Variants in PRMT3 observed in about 807,000 individuals in gnomAD.
The protein encoded by PRMT3 is protein arginine N-methyltransferase 3.
In PRMT3, 62 loss-of-function variants were observed where a neutral mutation model predicts 71.9. That is an observed-to-expected ratio of 0.86 (90% CI 0.70 to 1.07). The LOEUF (loss-of-function observed/expected upper bound fraction) is 1.07. PRMT3 is among the 50% of genes least tolerant of loss of function. The pLI is 0.00. For missense variants in PRMT3, 663 were observed against 643.0 expected (o/e 1.03, Z -0.34); for synonymous variants, 213 against 220.4 (o/e 0.97, Z 0.30).
chr11:20,388,658 TTTTTA>T (rs1259962617), intron 2 of PRMT3, among the ~76,000 whole-genome samples: 2 of 152,236 alleles, frequency 1.3e-5, no homozygotes, highest in Non-Finnish European at 2.9e-5. Flanking sequence ...AAACATTTCT[TTTTTA>T]TTTGAGCGGT....
At chr11:20,504,815 C>T (rs1851552289) in intron 15 of PRMT3, among the ~76,000 whole-genome samples, 1 of 151,992 alleles carries the variant, frequency 6.6e-6, no homozygotes, top group Admixed American at 6.6e-5. Context: ...CTTACTGCAA[C>T]TGCCACCTCC....
chr11:20,424,089 C>CT (rs1849487725), intron 9 of PRMT3, among the ~76,000 whole-genome samples: 1 of 149,754 alleles, frequency 6.7e-6, no homozygotes, highest in African/African-American at 2.5e-5. Flanking sequence ...GAGGCTGAGG[C>CT]AGGAGAATGG....
intron 13 of PRMT3, among the ~76,000 whole-genome samples, chr11:20,475,794 A>G (rs76476700): frequency 0.095 from 14,376 of 151,306 alleles, 719 homozygotes; most frequent in East Asian, 0.2. Context: ...TGCTGGGATT[A>G]CAGGCAGACG....
chr11:20,441,552 C>A (rs1276513905), intron 10 of PRMT3, among the ~76,000 whole-genome samples: 1 of 151,744 alleles, frequency 6.6e-6, no homozygotes, highest in Non-Finnish European at 1.5e-5. Context: ...CGTGATCCAC[C>A]AGCCTCGGCC....
chr11:20,416,137 A>G (rs1041909263), intron 9 of PRMT3, among the ~76,000 whole-genome samples: 5 of 152,092 alleles, frequency 3.3e-5, no homozygotes, highest in Admixed American at 2.6e-4. Flanking sequence ...ACTTAACTGG[A>G]CCAGTTGTTT....
chr11:20,458,779 G>T (rs908384851), intron 11 of PRMT3, among the ~76,000 whole-genome samples: 1 of 152,028 alleles, frequency 6.6e-6, no homozygotes, highest in African/African-American at 2.4e-5. Context: ...GTGCTTTTCT[G>T]TATTTTTGTG....
chr11:20,417,390 AT>A (rs1393084706), intron 9 of PRMT3, among the ~76,000 whole-genome samples: 6 of 152,148 alleles, frequency 3.9e-5, no homozygotes, highest in Non-Finnish European at 8.8e-5. Flanking sequence ...ATAAGCTATC[AT>A]CCATATATTC....
chr11:20,480,741 G>T (rs762906634), intron 13 of PRMT3, among the ~76,000 whole-genome samples: 1 of 152,134 alleles, frequency 6.6e-6, no homozygotes, highest in Non-Finnish European at 1.5e-5. Flanking sequence ...CAGGACTTGA[G>T]AATGAGTTAG....
intron 12 of PRMT3, among the ~76,000 whole-genome samples, chr11:20,462,622 G>C (rs928336260): frequency 3.9e-5 from 6 of 152,004 alleles, no homozygotes; most frequent in Non-Finnish European, 8.8e-5. Context: ...TAGTAAATTT[G>C]CCCATGAAAC....
At chr11:20,416,109 C>T (rs1849298921) in intron 9 of PRMT3, among the ~76,000 whole-genome samples, 1 of 152,088 alleles carries the variant, frequency 6.6e-6, no homozygotes, top group Admixed American at 6.5e-5. Context: ...GATCTCTCAC[C>T]TGAATTAATG....
intron 5 of PRMT3, among the ~76,000 whole-genome samples, chr11:20,394,077 G>A (rs140404754): frequency 3.3e-5 from 5 of 152,226 alleles, no homozygotes; most frequent in African/African-American, 1.2e-4. Context: ...TAATGCATTC[G>A]TTTGGCTTAG....
intron 15 of PRMT3, among the ~76,000 whole-genome samples, chr11:20,504,527 A>AT (rs1349499739): frequency 1.3e-5 from 2 of 152,142 alleles, no homozygotes; most frequent in Non-Finnish European, 2.9e-5. Context: ...TTTGACTGGG[A>AT]TTTTGTTAAA....
rs757161725 is a variant in PRMT3 at position 20,452,225 on chromosome 11, G to A, written c.1072+17G>A. On this transcript the variant is annotated intron_variant, in intron 11 of 15. Coordinates refer to ENST00000331079, the MANE Select transcript of PRMT3 (RefSeq NM_005788.4). ...GAGGCTCGGGTGAGTATAAAATTCT[G>A]GTTTTAATAATCTAATTTTAGTCTA... The A allele has an allele frequency of 1.3e-6, 2 of 1,567,702 alleles. No homozygotes were observed. Among genetic ancestry groups the A allele is most frequent in the Non-Finnish European group, 1.8e-6 (2 of 1,139,468 alleles).
At position 20,504,745 on chromosome 11, in the gene PRMT3, A is replaced by AGAGAGAGAGAGAGC. The variant is rs1491497481; in HGVS notation, c.1487-3558_1487-3557insAGAGAGAGAGAGCG. Among the ~76,000 whole-genome samples, 489 of 141,206 alleles carry AGAGAGAGAGAGAGC rather than the reference A, an allele frequency of 3.5e-3. 7 individuals are homozygous for AGAGAGAGAGAGAGC. Among genetic ancestry groups the AGAGAGAGAGAGAGC allele is most frequent in the African/African-American group, 0.012 (477 of 38,536 alleles). 92.6% of individuals were successfully genotyped at this position (141,206 alleles called of 152,430 possible). On this transcript the variant is annotated intron_variant, in intron 15 of 15. Coordinates refer to ENST00000331079, the MANE Select transcript of PRMT3 (RefSeq NM_005788.4). Reference sequence around the variant, plus strand: ...GAGAGAGAGAGAGAGAGAGAGAGAGAGCGAGAGCGACTGAGACTCGGTCTG... The same window carrying AGAGAGAGAGAGAGC: ...GAGAGAGAGAGAGAGAGAGAGAGAGAGAGAGAGAGAGAGCGCGAGAGCGACTGAGACTCGGTCTG...
At chr11:20,388,224 C>T in intron 2 of PRMT3, 70 bp downstream of exon 2, 1 of 1,598,208 alleles carries the variant, frequency 6.3e-7, no homozygotes, top group Non-Finnish European at 8.6e-7. Context: ...TGCCCAGGAA[C>T]GCCTTCGGGC....
chr11:20,490,247 T>C (rs1851175793), intron 13 of PRMT3, among the ~76,000 whole-genome samples: 1 of 152,062 alleles, frequency 6.6e-6, no homozygotes, highest in Non-Finnish European at 1.5e-5. Flanking sequence ...TCATTAGAAA[T>C]GTGACTGTGC....
At chr11:20,451,020 G>T (rs757610062) in intron 10 of PRMT3, among the ~76,000 whole-genome samples, 1 of 152,156 alleles carries the variant, frequency 6.6e-6, no homozygotes, top group South Asian at 2.1e-4. Context: ...AGGGCTGTTG[G>T]GGGGTTGGAC....
At chr11:20,401,367 A>G (rs540547594) in intron 7 of PRMT3, among the ~76,000 whole-genome samples, 70 of 152,312 alleles carry the variant, frequency 4.6e-4, no homozygotes, top group African/African-American at 1.7e-3. Context: ...AAATTAGATA[A>G]TTAGTTAATA....
intron 10 of PRMT3, 71 bp from the exon 11 acceptor site, chr11:20,452,059 A>G: frequency 9.5e-7 from 1 of 1,054,454 alleles, no homozygotes; most frequent in Non-Finnish European, 1.4e-6. Context: ...AGTAGCACCG[A>G]TGTTTAAATT....
Sources: allele counts gnomAD v4.1 joint callset (sites outside exome capture counted in the v4.1 genomes callset), GRCh38; gene constraint gnomAD v4.1.1; transcripts MANE v1.5; gene names NCBI Gene and HGNC (gene_info 2026-07-23, HGNC 2026-07-21).